Variants in PRH1 observed in about 807,000 individuals in gnomAD.
PRH1 encodes salivary acidic proline-rich phosphoprotein 1/2.
In PRH1, 7 loss-of-function variants were observed where a neutral mutation model predicts 7.9. That is an observed-to-expected ratio of 0.89 (90% CI 0.50 to 1.67). PRH1 has a LOEUF of 1.67. Among genes scored for constraint, PRH1 ranks in the 40% most tolerant of loss-of-function variants. PRH1 has a pLI of 0.00. For missense variants in PRH1, 109 were observed against 223.6 expected (o/e 0.49, Z 3.27); for synonymous variants, 45 against 80.8 (o/e 0.56, Z 2.38).
intron 2 of PRH1, among the ~76,000 whole-genome samples, chr12:10,894,443 T>A (rs2135798409): frequency 6.6e-6 from 1 of 152,304 alleles, no homozygotes; most frequent in Middle Eastern, 3.4e-3. Flanking sequence ...ATCCTCAAAG[T>A]TTTCACTAAG....
chr12:10,908,313 C>T, intron 2 of PRH1: 1 of 1,394,596 alleles, frequency 7.2e-7, no homozygotes, highest in Non-Finnish European at 9.8e-7. Flanking sequence ...CTTTTAAACT[C>T]CTTGTAGACT....
At position 10,945,307 on chromosome 12, in the gene PRH1, G is replaced by A. The variant is rs189536904; in HGVS notation, c.-59+28348C>T. Among the ~76,000 whole-genome samples the A allele has an allele frequency of 1.2e-4, 19 of 152,164 alleles. No homozygotes were observed. In the East Asian group the frequency reaches 3.1e-3, roughly 25 times the overall value. ...GGAGTATCGGGTGAAATTCACCCCC[G>A]ATATTTCACTTAGGTTCTTTTCTAT... On this transcript the variant is annotated intron_variant, in intron 2 of 3. Transcript: ENST00000539853.
chr12:11,171,254 C>G, intron 1 of PRH1: 1 of 753,360 alleles, frequency 1.3e-6, no homozygotes, highest in East Asian at 3.4e-5. Context: ...AGCCCGGGAG[C>G]CGCTTTGCTT....
At chr12:11,072,984 C>T (rs1177497202) in intron 1 of PRH1, among the ~76,000 whole-genome samples, 3 of 151,270 alleles carry the variant, frequency 2.0e-5, no homozygotes, top group African/African-American at 7.3e-5. Flanking sequence ...TGGAAAGGTC[C>T]CTAAATATAG....
intron 1 of PRH1, among the ~76,000 whole-genome samples, chr12:11,156,656 AT>A (rs1947256651): frequency 6.6e-6 from 1 of 151,996 alleles, no homozygotes; most frequent in Admixed American, 6.6e-5. Flanking sequence ...CTTAATATTA[AT>A]TTTTTCAGTC....
At chr12:11,031,107 T>C (rs772264577) in intron 1 of PRH1, 1 of 1,614,288 alleles carries the variant, frequency 6.2e-7, no homozygotes, top group South Asian at 1.1e-5. Context: ...ACTTCTACAC[T>C]ATAAAAAGCT....
At chr12:11,012,551 A>G (rs575241960) in intron 1 of PRH1, among the ~76,000 whole-genome samples, 2 of 152,280 alleles carry the variant, frequency 1.3e-5, no homozygotes, top group African/African-American at 4.8e-5. Flanking sequence ...AAAAGATACC[A>G]GTGAAAACTT....
intron 2 of PRH1, among the ~76,000 whole-genome samples, chr12:10,949,630 AT>A (rs748466735): frequency 2.0e-5 from 3 of 152,100 alleles, no homozygotes; most frequent in Non-Finnish European, 1.5e-5. Flanking sequence ...TTTTGGCTTA[AT>A]TTTTTATTAT....
intron 2 of PRH1, among the ~76,000 whole-genome samples, chr12:10,928,886 C>T (rs1321791387): frequency 6.6e-6 from 1 of 152,198 alleles, no homozygotes; most frequent in Non-Finnish European, 1.5e-5. Context: ...CACAAACTCA[C>T]ATACACACAA....
intron 1 of PRH1, among the ~76,000 whole-genome samples, chr12:10,977,936 G>A (rs1157892893): frequency 1.3e-5 from 2 of 152,030 alleles, no homozygotes; most frequent in South Asian, 2.1e-4. Context: ...AAAAGATTCC[G>A]AGCTCATGGA....
At chr12:10,987,947 G>A (rs891898206) in intron 1 of PRH1, among the ~76,000 whole-genome samples, 1 of 152,058 alleles carries the variant, frequency 6.6e-6, no homozygotes, top group African/African-American at 2.4e-5. Flanking sequence ...ACAGAAAATT[G>A]GTAGATTTCA....
chr12:11,070,569 C>G (rs1267993353), intron 1 of PRH1, among the ~76,000 whole-genome samples: 2 of 152,160 alleles, frequency 1.3e-5, no homozygotes, highest in Non-Finnish European at 2.9e-5. Context: ...TTCTTTCCTG[C>G]TCTCTTTTTA....
intron 1 of PRH1, among the ~76,000 whole-genome samples, chr12:11,114,492 C>T (rs540944445): frequency 3.3e-5 from 5 of 152,052 alleles, no homozygotes; most frequent in Non-Finnish European, 7.4e-5. Flanking sequence ...GGGAACGTCA[C>T]ACAACTGGGC....
intron 1 of PRH1, among the ~76,000 whole-genome samples, chr12:11,169,488 C>T (rs946442926): frequency 3.3e-5 from 5 of 152,136 alleles, no homozygotes; most frequent in South Asian, 2.1e-4. Flanking sequence ...CTGCTATTTT[C>T]CCCACGGTCT....
intron 1 of PRH1, among the ~76,000 whole-genome samples, chr12:11,126,419 T>C (rs1946131023): frequency 6.6e-6 from 1 of 152,254 alleles, no homozygotes; most frequent in Non-Finnish European, 1.5e-5. Flanking sequence ...TTCATTTTCC[T>C]TTTTATTAAC....
chr12:11,154,018 A>G (rs1947182209), intron 1 of PRH1, among the ~76,000 whole-genome samples: 1 of 152,200 alleles, frequency 6.6e-6, no homozygotes, highest in Admixed American at 6.5e-5. Flanking sequence ...ATAAAGAAGT[A>G]ATATTTAAAA....
At chr12:11,113,798 T>A (rs1945656016) in intron 1 of PRH1, among the ~76,000 whole-genome samples, 1 of 151,568 alleles carries the variant, frequency 6.6e-6, no homozygotes, top group Non-Finnish European at 1.5e-5. Context: ...TGGGAGAAAA[T>A]TTTTGCAATC....
intron 1 of PRH1, among the ~76,000 whole-genome samples, chr12:11,164,544 C>T (rs1369704856): frequency 1.3e-5 from 2 of 152,160 alleles, no homozygotes; most frequent in African/African-American, 4.8e-5. Context: ...ATAGAGGATG[C>T]AAGTAGCTGA....
At chr12:11,015,916 T>G (rs970053550) in intron 1 of PRH1, among the ~76,000 whole-genome samples, 6 of 152,234 alleles carry the variant, frequency 3.9e-5, no homozygotes, top group Admixed American at 1.3e-4. Context: ...CCCCACTCAC[T>G]AGACATTCCC....
Sources: gnomAD v4.1 joint callset for allele counts (sites outside exome capture counted in the v4.1 genomes callset) on GRCh38, gnomAD v4.1.1 for gene constraint, MANE v1.5 for transcripts, NCBI Gene and HGNC (gene_info 2026-07-23, HGNC 2026-07-21) for gene names.